POLR2F: variants seen among roughly 807,000 people sequenced by gnomAD.
POLR2F encodes DNA-directed RNA polymerases I, II, and III subunit RPABC2.
POLR2F carries 12 observed loss-of-function variants against 22.7 expected under a neutral mutation model. The observed-to-expected ratio is 0.53, with a 90% confidence interval of 0.34 to 0.86. The LOEUF is 0.86. POLR2F is among the 40% of genes least tolerant of loss of function. POLR2F has a pLI of 0.02. For synonymous variants in POLR2F, 57 were observed against 66.0 expected (o/e 0.86, Z 0.66); for missense variants, 126 against 171.5 (o/e 0.73, Z 1.48).
chr22:37,961,055 TAGTC>T (rs1931622119), intron 3 of POLR2F, among the ~76,000 whole-genome samples: 1 of 151,378 alleles, frequency 6.6e-6, no homozygotes, highest in Non-Finnish European at 1.5e-5. Flanking sequence ...TTCACGGTGT[TAGTC>T]AGGATGGTCT....
At chr22:38,035,195 G>T (rs894617205) in intron 5 of POLR2F, among the ~76,000 whole-genome samples, 3 of 152,072 alleles carry the variant, frequency 2.0e-5, no homozygotes, top group Non-Finnish European at 4.4e-5. Flanking sequence ...ATCGCCTGTG[G>T]CACAAACTCA....
intron 3 of POLR2F, among the ~76,000 whole-genome samples, chr22:37,960,310 G>T (rs1462990188): frequency 1.3e-5 from 2 of 150,936 alleles, no homozygotes; most frequent in Admixed American, 6.6e-5. Context: ...TACAACCCCT[G>T]CCTCCCGGGT....
At chr22:38,034,420 C>G (rs957898259) in intron 5 of POLR2F, among the ~76,000 whole-genome samples, 3 of 152,232 alleles carry the variant, frequency 2.0e-5, no homozygotes, top group Admixed American at 2.0e-4. Flanking sequence ...GGTCCCAACC[C>G]TTCTCTGGGC....
rs1227698913 is a variant in POLR2F, at chr22:37,960,992, G to GCACC, written c.221+1516_221+1517insCACC. On this transcript the variant is annotated intron_variant, in intron 3 of 4. Transcript: ENST00000442738. ...GCCTCCCAAGCAGCTGGGACTACAGGTGCCCACCACAACGCCTGGCTAATT... is the reference window on the plus strand; with the variant it reads ...GCCTCCCAAGCAGCTGGGACTACAGGCACCTGCCCACCACAACGCCTGGCTAATT... 2.5e-4 allele frequency among the ~76,000 whole-genome samples: 38 copies of GCACC among 151,258 alleles called. No individual in the cohort carries two copies. The East Asian group carries it at 3.0e-3, about 12-fold the overall frequency.
chr22:38,007,238 CTAGGTCTCCTGATAGCAGCCA>C (rs1290834771), intron 1 of POLR2F, among the ~76,000 whole-genome samples: 1 of 152,160 alleles, frequency 6.6e-6, no homozygotes, highest in Admixed American at 6.5e-5. Context: ...CCCTTCTTCA[CTAGGTCTCCTGATAGCAGCCA>C]CCCAGGACTG....
At chr22:37,960,851 CT>C (rs71195075) in intron 3 of POLR2F, among the ~76,000 whole-genome samples, 86 of 131,506 alleles carry the variant, frequency 6.5e-4, no homozygotes, top group Admixed American at 1.3e-3. Flanking sequence ...TTTCTTTTTT[CT>C]TTTTTTTTTT....
At chr22:37,977,967 C>A in intron 4 of POLR2F, 1 of 1,612,114 alleles carries the variant, frequency 6.2e-7, no homozygotes, top group Non-Finnish European at 8.5e-7. Context: ...TGGCGGCGGT[C>A]CCACCTTGCT....
At chr22:38,004,586 A>G (rs1053527987) in intron 1 of POLR2F, among the ~76,000 whole-genome samples, 3 of 152,192 alleles carry the variant, frequency 2.0e-5, no homozygotes, top group Non-Finnish European at 1.5e-5. Flanking sequence ...CCTGAAGTTA[A>G]AAACCACTGG....
intron 1 of POLR2F, among the ~76,000 whole-genome samples, chr22:37,994,201 G>A (rs1474614695): frequency 6.6e-6 from 1 of 152,168 alleles, no homozygotes; most frequent in African/African-American, 2.4e-5. Flanking sequence ...GGGAACCCAG[G>A]CACAGCCCTG....
intron 3 of POLR2F, among the ~76,000 whole-genome samples, chr22:37,961,497 C>G (rs991124385): frequency 1.3e-5 from 2 of 152,102 alleles, no homozygotes; most frequent in African/African-American, 4.8e-5. Context: ...AGCAAACTTC[C>G]CTCCTCTCCC....
chr22:37,988,357 A>G (rs926597287), intron 1 of POLR2F: 6 of 150,522 alleles, frequency 4.0e-5, no homozygotes, highest in African/African-American at 1.5e-4. Flanking sequence ...AGAAAAAAAG[A>G]AAAACATACT....
chr22:38,024,228 C>G (rs1487038570), intron 1 of POLR2F, among the ~76,000 whole-genome samples: 1 of 152,074 alleles, frequency 6.6e-6, no homozygotes, highest in Non-Finnish European at 1.5e-5. Flanking sequence ...GTTTATTTCA[C>G]TTAGCATAAT....
At position 38,016,527 on chromosome 22, in the gene POLR2F, G is replaced by A. The variant is rs2084916774; in HGVS notation, c.121-9342G>A. 6.6e-6 allele frequency among the ~76,000 whole-genome samples: 1 copy of A among 152,268 alleles called. No individual in the cohort carries two copies. On this transcript the variant is annotated intron_variant, in intron 1 of 2. Transcript: ENST00000333418. This position sits in a 1 kb window ranked among gnomAD's most constrained non-coding sequence, Gnocchi z 4.4. ...CCTTTCATAAATCAGAGGGGCTTAGGGGCGAGGGGGCTGCTTGGCAGGACT... is the reference window on the plus strand; with the variant it reads ...CCTTTCATAAATCAGAGGGGCTTAGAGGCGAGGGGGCTGCTTGGCAGGACT...
At chr22:37,998,866 G>C (rs546166445) in intron 1 of POLR2F, among the ~76,000 whole-genome samples, 1 of 151,850 alleles carries the variant, frequency 6.6e-6, no homozygotes, top group South Asian at 2.1e-4. Flanking sequence ...GAGAGGAGAG[G>C]TGTGGTGGGG....
chr22:37,994,504 G>A (rs1389772449), intron 1 of POLR2F, among the ~76,000 whole-genome samples: 2 of 151,608 alleles, frequency 1.3e-5, no homozygotes, highest in South Asian at 2.1e-4. Flanking sequence ...CAGCCACCAC[G>A]CCTGGCTATT....
chr22:38,024,490 C>T (rs927143371), intron 1 of POLR2F, among the ~76,000 whole-genome samples: 1 of 152,044 alleles, frequency 6.6e-6, no homozygotes, highest in Non-Finnish European at 1.5e-5. Context: ...GGTTTTCGGT[C>T]TTAGGGATCA....
chr22:37,976,460 C>A (rs1299456675), intron 4 of POLR2F, among the ~76,000 whole-genome samples: 1 of 152,196 alleles, frequency 6.6e-6, no homozygotes, highest in African/African-American at 2.4e-5. Context: ...CTGGTTAGTA[C>A]CCCTGGTGTC....
chr22:37,977,743 C>G, intron 4 of POLR2F: 1 of 1,096,360 alleles, frequency 9.1e-7, no homozygotes. Context: ...CCCTGCAGCT[C>G]TGCTGGGGCA....
Position 37,990,569 on chromosome 22 carries a change from G to A in POLR2F, c.120+4257G>A, listed in dbSNP as rs576043324. On this transcript the variant is annotated intron_variant, in intron 1 of 2. Coordinates refer to the POLR2F transcript ENST00000333418. ...GGCACTGGGCCAGGAGCTGGGACTG[G>A]GAGGTGAGAGAGACCAGACCTTGGC... Among the ~76,000 whole-genome samples, 4 of 152,368 alleles carry A rather than the reference G, an allele frequency of 2.6e-5. No individual in the cohort carries two copies. In the South Asian group the frequency reaches 6.2e-4, roughly 24 times the overall value.
Sources: gnomAD v4.1 joint callset for allele counts (sites outside exome capture counted in the v4.1 genomes callset) on GRCh38, gnomAD v4.1.1 for gene constraint, Gnocchi (gnomAD v3.1) non-coding constraint, MANE v1.5 for transcripts, NCBI Gene and HGNC (gene_info 2026-07-23, HGNC 2026-07-21) for gene names.